Variants in PTH2R observed in about 807,000 individuals in gnomAD.
PTH2R encodes the protein parathyroid hormone 2 receptor.
A neutral mutation model predicts 60.3 loss-of-function variants in PTH2R; 59 were observed. That is an observed-to-expected ratio of 0.98 (90% CI 0.79 to 1.22). The LOEUF (loss-of-function observed/expected upper bound fraction) is 1.22, where lower values mean the gene tolerates loss of function less well. PTH2R is among the 50% of genes most tolerant of loss of function. PTH2R has a pLI of 0.00. For synonymous variants in PTH2R, 256 were observed against 243.8 expected (o/e 1.05, Z -0.47); for missense variants, 749 against 682.6 (o/e 1.10, Z -1.08).
chr2:208,437,579 C>A lies in PTH2R; in HGVS notation c.221C>A (p.Pro74His), dbSNP rs1403063011. 6.2e-7 allele frequency: 1 copy of A among 1,613,100 alleles called. No individual in the cohort carries two copies. Among genetic ancestry groups the A allele is most frequent in the South Asian group, 1.1e-5 (1 of 90,862 alleles). ...FPEWDGLICW[P>H]RGTVGKISAV... ...GAATGGGATGGACTCATTTGTTGGC[C>A]CAGAGGAACAGTGGGGAAAATATCG... Residue 74 changes from proline to histidine, a missense_variant, in exon 3 of 13, where the codon CCC (proline) becomes CAC (histidine). Physicochemically the swap from Pro to His is moderately conservative, Grantham distance 77 (BLOSUM62 -2). Transcript: ENST00000272847.
At chr2:208,457,344 G>T (rs1702535171) in intron 8 of PTH2R, among the ~76,000 whole-genome samples, 1 of 152,194 alleles carries the variant, frequency 6.6e-6, no homozygotes, top group Non-Finnish European at 1.5e-5. Flanking sequence ...GCAAGTGTAA[G>T]ATTTTTGTGT....
At chr2:208,428,394 A>G (rs1183495391) in intron 2 of PTH2R, 91 bp downstream of exon 2, 1 of 867,504 alleles carries the variant, frequency 1.2e-6, no homozygotes, top group Non-Finnish European at 1.8e-6. Flanking sequence ...TGTTAGGGAG[A>G]TCCTTATCAG....
At chr2:208,473,517 G>A (rs1294338569) in intron 9 of PTH2R, among the ~76,000 whole-genome samples, 1 of 152,124 alleles carries the variant, frequency 6.6e-6, no homozygotes, top group African/African-American at 2.4e-5. Flanking sequence ...CAAAAGTCCT[G>A]GCCAGTGTAA....
At chr2:208,427,628 G>T (rs77646628) in intron 1 of PTH2R, among the ~76,000 whole-genome samples, 1 of 151,958 alleles carries the variant, frequency 6.6e-6, no homozygotes, top group Non-Finnish European at 1.5e-5. Flanking sequence ...ACCCAGCTAC[G>T]CATCTCCCAA....
intron 1 of PTH2R, among the ~76,000 whole-genome samples, chr2:208,375,916 G>T (rs78087003): frequency 0.031 from 4,693 of 152,114 alleles, 257 homozygotes; most frequent in African/African-American, 0.11. Context: ...CATGTCTCCA[G>T]CACTTCTTTA....
chr2:208,451,986 A>G (rs150084335), intron 8 of PTH2R, among the ~76,000 whole-genome samples: 202 of 152,334 alleles, frequency 1.3e-3, no homozygotes, highest in African/African-American at 4.8e-3. Flanking sequence ...TTGTTAGGTT[A>G]GGGACCAACG....
intron 5 of PTH2R, among the ~76,000 whole-genome samples, chr2:208,442,850 A>AT (rs912877212): frequency 3.3e-5 from 5 of 152,130 alleles, no homozygotes; most frequent in South Asian, 2.1e-4. Flanking sequence ...GTTATGGTTT[A>AT]TTTTTTATCC....
At chr2:208,403,066 G>T (rs1701339473), upstream of PTH2R, among the ~76,000 whole-genome samples, 1 of 152,214 alleles carries the variant, frequency 6.6e-6, no homozygotes, top group Non-Finnish European at 1.5e-5. Context: ...GGCTTGTTTG[G>T]GGAATCAGGA....
chr2:208,450,671 T>TTA (rs1702387485), intron 7 of PTH2R, 78 bp from the exon 8 acceptor site: 1 of 1,392,570 alleles, frequency 7.2e-7, no homozygotes, highest in African/African-American at 1.4e-5. Flanking sequence ...TAGTATATTC[T>TTA]TATATATGGT....
At chr2:208,450,163 C>T (rs1384364311) in intron 7 of PTH2R, among the ~76,000 whole-genome samples, 3 of 152,170 alleles carry the variant, frequency 2.0e-5, no homozygotes, top group Admixed American at 1.3e-4. Context: ...AAATATCTCG[C>T]GCTCAAATCA....
intron 8 of PTH2R, among the ~76,000 whole-genome samples, chr2:208,454,349 C>G (rs1409692761): frequency 1.3e-5 from 2 of 152,104 alleles, no homozygotes; most frequent in Admixed American, 1.3e-4. Flanking sequence ...GAGATAGGGT[C>G]TATAAGGACC....
Position 208,494,279 on chromosome 2 carries a change from G to C in PTH2R, c.*620G>C, listed in dbSNP as rs145308791. 38 of 152,286 alleles carry C rather than the reference G, an allele frequency of 2.5e-4. No individual in the cohort carries two copies. The highest frequency in any genetic ancestry group is 8.9e-4 in the African/African-American group (37 of 41,556). 9.4% of individuals were successfully genotyped at this position (152,286 alleles called of 1,614,324 possible). Reference sequence around the variant, plus strand: ...GAATATTTCACACATCCCTTCTTTTGAATGGCCTCTTTGTGACCAGCCAGA... The same window carrying C: ...GAATATTTCACACATCCCTTCTTTTCAATGGCCTCTTTGTGACCAGCCAGA... On this transcript the variant is annotated 3_prime_UTR_variant, in exon 13 of 13. Coordinates refer to ENST00000272847, the MANE Select transcript of PTH2R (RefSeq NM_005048.4).
chr2:208,480,034 G>C (rs549768453), intron 9 of PTH2R, among the ~76,000 whole-genome samples: 2 of 152,276 alleles, frequency 1.3e-5, no homozygotes, highest in African/African-American at 4.8e-5. Flanking sequence ...AGAAAGTTGT[G>C]ATTGTTGAGA....
intron 4 of PTH2R, among the ~76,000 whole-genome samples, chr2:208,438,324 C>G (rs777076909): frequency 3.3e-5 from 5 of 152,082 alleles, no homozygotes; most frequent in Non-Finnish European, 5.9e-5. Context: ...TAGATGATCT[C>G]ATTAGCGTAT....
chr2:208,466,820 T>G (rs548535793), intron 9 of PTH2R, among the ~76,000 whole-genome samples: 2 of 152,234 alleles, frequency 1.3e-5, no homozygotes, highest in Non-Finnish European at 2.9e-5. Context: ...ATTGCAAATA[T>G]TTTCTACCAT....
Position 208,444,792 on chromosome 2 carries a change from G to C in PTH2R, c.758G>C (p.Trp253Ser). 3.1e-6 allele frequency: 5 copies of C among 1,613,694 alleles called. No homozygotes were observed. The highest frequency in any genetic ancestry group is 4.2e-6 in the Non-Finnish European group (5 of 1,179,768). Residue 253 changes from tryptophan to serine, a missense_variant, in exon 7 of 13, where the codon TGG (tryptophan) becomes TCG (serine). Physicochemically the swap from Trp to Ser is radical, Grantham distance 177. Coordinates refer to ENST00000272847, the MANE Select transcript of PTH2R (RefSeq NM_005048.4). ...TACTTCCTGGCTACAAATTATTATT[G>C]GATCCTGGTGGAAGGTCTCTACCTG... is the stretch of plus-strand genomic sequence containing the variant. ...FIYFLATNYY[W>S]ILVEGLYLHN...
chr2:208,455,991 TGCTTTGGGAGGCCAAA>T (rs1466687181), intron 8 of PTH2R, among the ~76,000 whole-genome samples: 2 of 152,116 alleles, frequency 1.3e-5, no homozygotes, highest in African/African-American at 4.8e-5. Flanking sequence ...GTAATCCCAG[TGCTTTGGGAGGCCAAA>T]GCAGGCTGAT....
At chr2:208,481,780 T>C (rs891713007) in intron 10 of PTH2R, among the ~76,000 whole-genome samples, 2 of 152,248 alleles carry the variant, frequency 1.3e-5, no homozygotes, top group Non-Finnish European at 2.9e-5. Flanking sequence ...ATTTGCATTC[T>C]ACAAATATGT....
At chr2:208,417,270 A>T (rs1220407630) in intron 1 of PTH2R, among the ~76,000 whole-genome samples, 1 of 152,278 alleles carries the variant, frequency 6.6e-6, no homozygotes, top group East Asian at 1.9e-4. Context: ...TACATTGTAA[A>T]ATTAGTCTTT....
Sources: gnomAD v4.1 joint callset for allele counts (sites outside exome capture counted in the v4.1 genomes callset) on GRCh38, gnomAD v4.1.1 for gene constraint, MANE v1.5 for transcripts, NCBI Gene and HGNC (gene_info 2026-07-23, HGNC 2026-07-21) for gene names.